The following PCBP3 variants were observed in gnomAD, a reference collection of about 807,000 sequenced individuals.
PCBP3 encodes the protein poly(rC) binding protein 3.
PCBP3 carries 25 observed loss-of-function variants against 52.7 expected under a neutral mutation model. The ratio of observed to expected loss-of-function variants is 0.47; its 90% CI spans 0.35 to 0.66. PCBP3 has a LOEUF of 0.66. Ranked by LOEUF, PCBP3 falls within the 30% of genes least tolerant of loss-of-function variation. The pLI, the probability that PCBP3 is intolerant of heterozygous loss-of-function variation, is 0.01. For synonymous variants in PCBP3, 162 were observed against 183.0 expected (o/e 0.89, Z 0.93); for missense variants, 391 against 490.3 (o/e 0.80, Z 1.91).
At chr21:45,652,279 G>T (rs1195983464) in intron 1 of PCBP3, among the ~76,000 whole-genome samples, 1 of 152,034 alleles carries the variant, frequency 6.6e-6, no homozygotes, top group African/African-American at 2.4e-5. Flanking sequence ...ATTTTTCCTG[G>T]TCCCTAAAGT....
intron 4 of PCBP3, among the ~76,000 whole-genome samples, chr21:45,845,759 C>T (rs73380665): frequency 0.021 from 3,224 of 152,286 alleles, 133 homozygotes; most frequent in African/African-American, 0.072. Context: ...GTGTAGTTTG[C>T]AGCTGAGTGC....
rs565495605 is a variant in PCBP3 at position 45,839,471 on chromosome 21, T to C, written c.-125-10490T>C. ...GTTGGCCCAACCCCATTTTATATTA[T>C]GTTCTTCAGGATGGGCTCATCAGAA... On this transcript the variant is annotated intron_variant, in intron 4 of 17. Coordinates refer to ENST00000681687, the MANE Select transcript of PCBP3 (RefSeq NM_001384156.1). Among the ~76,000 whole-genome samples, 36 of 152,358 alleles carry C rather than the reference T, an allele frequency of 2.4e-4. No individual in the cohort carries two copies. The East Asian group carries it at 6.8e-3, about 29-fold the overall frequency.
At chr21:45,790,988 C>T (rs1253448488) in intron 4 of PCBP3, among the ~76,000 whole-genome samples, 1 of 151,996 alleles carries the variant, frequency 6.6e-6, no homozygotes, top group African/African-American at 2.4e-5. Flanking sequence ...GTCACAGCAA[C>T]CAGCAGAGCT....
At position 45,784,370 on chromosome 21, in the gene PCBP3, A is replaced by G. The variant is rs1216251607; in HGVS notation, c.-126+28918A>G. Reference sequence around the variant, plus strand: ...TACCTCTACCTCTACCTCTACCTCTACCTCTACCTCTACCTCTACCTCTAC... The same window carrying G: ...TACCTCTACCTCTACCTCTACCTCTGCCTCTACCTCTACCTCTACCTCTAC... On this transcript the variant is annotated intron_variant, in intron 4 of 17. Coordinates refer to ENST00000681687, the MANE Select transcript of PCBP3 (RefSeq NM_001384156.1). Among the ~76,000 whole-genome samples the G allele has an allele frequency of 5.1e-3, 750 of 148,048 alleles. 7 individuals are homozygous for G. Among genetic ancestry groups the G allele is most frequent in the African/African-American group, 0.018 (720 of 39,688 alleles).
In PCBP3 at chr21:45,904,646, C is replaced by CT. The variant is rs1446167472; in HGVS notation, c.339+3536dup. 6.6e-6 allele frequency among the ~76,000 whole-genome samples: 1 copy of CT among 152,200 alleles called. No individual in the cohort carries two copies. Among genetic ancestry groups the CT allele is most frequent in the African/African-American group, 2.4e-5 (1 of 41,440 alleles). ...GCAAAATCAAGGAATTTTTTGGCAA[C>CT]TTTAAGGACCGTAGCTTTTAAACAA... On this transcript the variant is annotated intron_variant, in intron 9 of 17. Coordinates refer to ENST00000681687, the MANE Select transcript of PCBP3 (RefSeq NM_001384156.1). This position sits in a 1 kb window ranked among gnomAD's most constrained non-coding sequence, Gnocchi z 4.8.
chr21:45,707,419 G>C (rs1298959670), intron 2 of PCBP3, among the ~76,000 whole-genome samples: 1 of 152,150 alleles, frequency 6.6e-6, no homozygotes, highest in African/African-American at 2.4e-5. Context: ...GGAAGGCTGA[G>C]GCAGGAGAAT....
intron 13 of PCBP3, among the ~76,000 whole-genome samples, chr21:45,920,362 T>C (rs2074265518): frequency 6.6e-6 from 1 of 152,226 alleles, no homozygotes; most frequent in African/African-American, 2.4e-5. Context: ...GTTTGGTGAT[T>C]GGCTTTTACT....
intron 2 of PCBP3, among the ~76,000 whole-genome samples, chr21:45,674,600 G>T (rs1603234560): frequency 6.6e-6 from 1 of 152,308 alleles, no homozygotes; most frequent in Admixed American, 6.5e-5. Flanking sequence ...AATGAAGTAG[G>T]TTATGTTGCT....
chr21:45,646,214 TTAAA>T (rs527903123), intron 1 of PCBP3, among the ~76,000 whole-genome samples: 4 of 151,766 alleles, frequency 2.6e-5, no homozygotes, highest in East Asian at 3.9e-4. Flanking sequence ...ATTCATATTA[TTAAA>T]TAAAATTTGA....
intron 4 of PCBP3, among the ~76,000 whole-genome samples, chr21:45,810,839 T>A (rs2092668043): frequency 6.6e-6 from 1 of 152,198 alleles, no homozygotes; most frequent in Non-Finnish European, 1.5e-5. Context: ...ATTTTTTAGT[T>A]TCTATAGAGA....
intron 5 of PCBP3, among the ~76,000 whole-genome samples, chr21:45,891,307 A>G (rs151292136): frequency 2.5e-4 from 38 of 152,368 alleles, no homozygotes; most frequent in Admixed American, 5.9e-4. Context: ...ACAAATGTCT[A>G]AAGCAGCTTT....
intron 13 of PCBP3, among the ~76,000 whole-genome samples, chr21:45,920,742 C>T (rs942330916): frequency 8.5e-5 from 13 of 152,202 alleles, no homozygotes; most frequent in Admixed American, 4.6e-4. Flanking sequence ...TCCATCCCTC[C>T]TGTCATGTGA....
chr21:45,664,177 C>A (rs1346654551), intron 1 of PCBP3, among the ~76,000 whole-genome samples: 2 of 133,424 alleles, frequency 1.5e-5, no homozygotes, highest in African/African-American at 5.6e-5. Context: ...AAGATAAAAT[C>A]CTAAAAGAAG....
At chr21:45,646,582 C>T (rs1307702180) in intron 1 of PCBP3, among the ~76,000 whole-genome samples, 1 of 152,214 alleles carries the variant, frequency 6.6e-6, no homozygotes, top group Non-Finnish European at 1.5e-5. Context: ...GCCACCAGCT[C>T]CACTCCCATG....
chr21:45,844,881 A>G (rs1262323687), intron 4 of PCBP3, among the ~76,000 whole-genome samples: 6 of 150,036 alleles, frequency 4.0e-5, no homozygotes, highest in African/African-American at 7.3e-5. Context: ...TATGAAGTTT[A>G]TATACGTATA....
chr21:45,880,031 A>G lies in PCBP3; in HGVS notation c.11-16177A>G, dbSNP rs2148765985. Among the ~76,000 whole-genome samples, 1 of 152,332 alleles carries G rather than the reference A, an allele frequency of 6.6e-6. No homozygotes were observed. The highest frequency in any genetic ancestry group is 2.1e-4 in the South Asian group (1 of 4,832). On this transcript the variant is annotated intron_variant, in intron 5 of 17. Transcript: ENST00000681687. This position sits in a 1 kb window ranked among gnomAD's most constrained non-coding sequence, Gnocchi z 5.4. ...AGGACAGAAACAATCATGGGTTTCAAGAGCTTGCAAAACGGTGGCAGTTCT... is the reference window on the plus strand; with the variant it reads ...AGGACAGAAACAATCATGGGTTTCAGGAGCTTGCAAAACGGTGGCAGTTCT...
rs750711175 is a variant in PCBP3 at position 45,656,722 on chromosome 21, G to A, written c.-278-12152G>A. The stretch of plus-strand genomic sequence containing the variant: ...TTAAAAACTGGATTGTCTTTTTATC[G>A]CTGAGTTGTAAGTGTTCTTTATGTA... On this transcript the variant is annotated intron_variant, in intron 1 of 17. Coordinates refer to ENST00000681687, the MANE Select transcript of PCBP3 (RefSeq NM_001384156.1). This position sits in a 1 kb window ranked among gnomAD's most constrained non-coding sequence, Gnocchi z 4.3. Among the ~76,000 whole-genome samples the A allele has an allele frequency of 2.6e-5, 4 of 152,004 alleles. No homozygotes were observed. The highest frequency in any genetic ancestry group is 1.3e-4 in the Admixed American group (2 of 15,268).
intron 4 of PCBP3, among the ~76,000 whole-genome samples, chr21:45,810,493 G>A (rs1308652563): frequency 1.3e-5 from 2 of 151,900 alleles, no homozygotes; most frequent in African/African-American, 4.8e-5. Flanking sequence ...CAAACTCCTG[G>A]GCTCAAGCGA....
At chr21:45,863,635 C>T (rs988205640) in intron 5 of PCBP3, among the ~76,000 whole-genome samples, 2 of 152,218 alleles carry the variant, frequency 1.3e-5, no homozygotes, top group Non-Finnish European at 2.9e-5. Context: ...CGGTGGAGAG[C>T]GAAGCACCAC....
Sources: allele counts gnomAD v4.1 joint callset (sites outside exome capture counted in the v4.1 genomes callset), GRCh38; gene constraint gnomAD v4.1.1; non-coding constraint Gnocchi (gnomAD v3.1); transcripts MANE v1.5; gene names NCBI Gene and HGNC (gene_info 2026-07-23, HGNC 2026-07-21).